GATD1: variants seen among roughly 807,000 people sequenced by gnomAD.
GATD1 encodes glutamine amidotransferase-like class 1 domain-containing protein 1.
In GATD1, 23 loss-of-function variants were observed where a neutral mutation model predicts 25.9. The ratio of observed to expected loss-of-function variants is 0.89; its 90% CI spans 0.64 to 1.26. The LOEUF is 1.26. Among genes scored for constraint, GATD1 ranks in the 50% most tolerant of loss-of-function variants. The pLI, the probability that GATD1 is intolerant of heterozygous loss-of-function variation, is 0.00. For missense variants in GATD1, 347 were observed against 312.5 expected, an observed-to-expected ratio of 1.11 and a Z score of -0.83; for synonymous variants, 177 against 134.6, an observed-to-expected ratio of 1.31 and a Z score of -2.18.
Position 771,468 on chromosome 11 carries a change from C to T in GATD1, c.451-42G>A, listed in dbSNP as rs1425687116. On this transcript the variant is annotated intron_variant, in intron 5 of 7. Coordinates refer to ENST00000319863, the MANE Select transcript of GATD1 (RefSeq NM_182612.4). ...GGGGCTCCTGAGACAGGCCCAGGCC[C>T]TGCGGCCCACCCCAGGGGTCAGGAA... 4 of 1,494,864 alleles carry T rather than the reference C, an allele frequency of 2.7e-6. No homozygotes were observed. The African/African-American group carries it at 4.2e-5, about 16-fold the overall frequency. The allele number at this position is 1,494,864 out of a possible 1,614,324, so 92.6% of individuals were successfully genotyped here. A position where few individuals can be genotyped will look rare whatever the true frequency, so the allele number is the denominator to read the frequency against.
intron 7 of GATD1, 43 bp downstream of exon 7, chr11:770,950 C>A: frequency 6.2e-7 from 1 of 1,613,444 alleles, no homozygotes; most frequent in South Asian, 1.1e-5. Flanking sequence ...GCACCGGGTG[C>A]AGCTCTGATG....
In GATD1 at chr11:771,102, T is replaced by C. The variant is rs541560314; in HGVS notation, c.547A>G (p.Ser183Gly). The C allele has an allele frequency of 1.9e-6, 3 of 1,595,722 alleles. No homozygotes were observed. Among genetic ancestry groups the C allele is most frequent in the South Asian group, 2.2e-5 (2 of 89,312 alleles). Residue 183 changes from serine to glycine, a missense_variant and splice_region_variant, in exon 7 of 8, where the codon AGC becomes GGC. Coordinates refer to ENST00000319863, the MANE Select transcript of GATD1 (RefSeq NM_182612.4). ...VKDSGACFSA[S>G]EPDAVHVVLD... ...ACGACGTGGACAGCGTCAGGCTCGC[T>C]TGCTGGGGAGGACCGAGGGCACCAA...
intron 1 of GATD1, among the ~76,000 whole-genome samples, chr11:775,870 T>A (rs1462460466): frequency 6.6e-6 from 1 of 151,866 alleles, no homozygotes; most frequent in Non-Finnish European, 1.5e-5. Context: ...CCACCCTGCC[T>A]GCCGGAGAGC....
Position 770,631 on chromosome 11 carries a change from A to G in GATD1, c.*266T>C. ...CTGGAATTCCCGAGGACCACCTAGC[A>G]GCTAGCACAGCTCTCCAGGCACGTG... On this transcript the variant is annotated 3_prime_UTR_variant, in exon 8 of 8. Coordinates refer to ENST00000319863, the MANE Select transcript of GATD1 (RefSeq NM_182612.4). 3.5e-6 allele frequency: 5 copies of G among 1,418,704 alleles called. No individual in the cohort carries two copies. Among genetic ancestry groups the G allele is most frequent in the Non-Finnish European group, 4.6e-6 (5 of 1,090,298 alleles). The allele number at this position is 1,418,704 out of a possible 1,614,324, so 87.9% of individuals were successfully genotyped here.
intron 2 of GATD1, among the ~76,000 whole-genome samples, chr11:774,671 A>G (rs981071389): frequency 1.3e-5 from 2 of 152,170 alleles, no homozygotes; most frequent in Non-Finnish European, 2.9e-5. Flanking sequence ...TCTCTACTAA[A>G]AATACAAAAT....
In GATD1 at chr11:773,620, T is replaced by C. The variant is rs1863670382; in HGVS notation, c.257A>G (p.Tyr86Cys). Residue 86 changes from tyrosine to cysteine, a missense_variant, in exon 4 of 8, where the codon TAC becomes TGC. Coordinates refer to ENST00000319863, the MANE Select transcript of GATD1 (RefSeq NM_182612.4). Reference sequence around the variant, plus strand: ...ACAGCTGGGGATCAGGAGGGCATGGTACCGGGCACCTGGGGGGAGACCACA... The same window carrying C: ...ACAGCTGGGGATCAGGAGGGCATGGCACCGGGCACCTGGGGGGAGACCACA... ...AKLESIDGAR[Y>C]HALLIPSCPG... The C allele has an allele frequency of 1.2e-6, 2 of 1,607,254 alleles. No individual in the cohort carries two copies. The highest frequency in any genetic ancestry group is 1.7e-6 in the Non-Finnish European group (2 of 1,178,126).
In GATD1 at chr11:768,150, C is replaced by A. The variant is rs1863162646; in HGVS notation, c.*2747G>T. ...ACAGGCGTGAGCCACCGTGCCCGGC[C>A]AGTTTACAGTATTTTCTTATAGGAG... On this transcript the variant is annotated 3_prime_UTR_variant, in exon 8 of 8. Coordinates refer to ENST00000319863, the MANE Select transcript of GATD1 (RefSeq NM_182612.4). 1 of 152,092 alleles carries A rather than the reference C, an allele frequency of 6.6e-6. No homozygotes were observed. Among genetic ancestry groups the A allele is most frequent in the Non-Finnish European group, 1.5e-5 (1 of 68,066 alleles). The allele number at this position is 152,092 out of a possible 1,614,324, so 9.4% of individuals were successfully genotyped here. A position where few individuals can be genotyped will look rare whatever the true frequency, so the allele number is the denominator to read the frequency against.
Position 770,074 on chromosome 11 carries a change from T to A in GATD1, c.*823A>T. On this transcript the variant is annotated 3_prime_UTR_variant, in exon 8 of 8. Transcript: ENST00000319863. Reference sequence around the variant, plus strand: ...GGGAACTGTGAGGAAGTAGAGGGCCTAAGCCTCTCCTGGACGCCCTAACCT... The same window carrying A: ...GGGAACTGTGAGGAAGTAGAGGGCCAAAGCCTCTCCTGGACGCCCTAACCT... 12 of 1,191,546 alleles carry A rather than the reference T, an allele frequency of 1.0e-5. No individual in the cohort carries two copies. Among genetic ancestry groups the A allele is most frequent in the Non-Finnish European group, 1.2e-5 (12 of 962,620 alleles). 73.8% of individuals were successfully genotyped at this position (1,191,546 alleles called of 1,614,324 possible).
rs575861969 is a variant in GATD1, at chr11:771,368, T to A, written c.509A>T (p.Glu170Val). 6.3e-6 allele frequency: 10 copies of A among 1,591,108 alleles called. No individual in the cohort carries two copies. Among genetic ancestry groups the A allele is most frequent in the East Asian group, 2.2e-5 (1 of 44,634 alleles). ...GGCGCCCGAATCCTTCACGAAGTCC[T>A]CCACCACGAGCGGCAGGCGGGCGAA... ...PGFARLPLVV[E>V]DFVKDSGACF... The change falls in exon 6 of 8, where the codon GAG (glutamate) becomes GTG (valine). Residue 170 changes from glutamate to valine, a missense_variant. Coordinates refer to ENST00000319863, the MANE Select transcript of GATD1 (RefSeq NM_182612.4).
Position 769,228 on chromosome 11 carries a change from G to A in GATD1, c.*1669C>T. On this transcript the variant is annotated 3_prime_UTR_variant, in exon 8 of 8. Coordinates refer to ENST00000319863, the MANE Select transcript of GATD1 (RefSeq NM_182612.4). ...GTGGGCATCCTGACTAATCTGCGAG[G>A]CACTGGAGGGACGCAGCCTTCAGGG... 1.0e-6 allele frequency: 1 copy of A among 985,498 alleles called. No individual in the cohort carries two copies. The allele number at this position is 985,498 out of a possible 1,614,324, so 61.0% of individuals were successfully genotyped here. A position where few individuals can be genotyped will look rare whatever the true frequency, so the allele number is the denominator to read the frequency against.
intron 1 of GATD1, 101 bp downstream of exon 1, chr11:777,298 C>G: frequency 1.0e-6 from 1 of 994,570 alleles, no homozygotes; most frequent in Non-Finnish European, 1.3e-6. Context: ...CCTCGGCCTC[C>G]GGCGCCACGT....
rs1320158770 is a variant in GATD1 at position 770,728 on chromosome 11, AC to A, written c.*168del. ...GTTTGGACCCTCCAGGAGAGCCGAC[AC>A]CCCCTCAGAGCTGATTCCAGGAGGC... On this transcript the variant is annotated 3_prime_UTR_variant, in exon 8 of 8. Coordinates refer to ENST00000319863, the MANE Select transcript of GATD1 (RefSeq NM_182612.4). The A allele has an allele frequency of 6.8e-7, 1 of 1,476,242 alleles. No individual in the cohort carries two copies. The highest frequency in any genetic ancestry group is 1.4e-5 in the African/African-American group (1 of 70,956). 91.4% of individuals were successfully genotyped at this position (1,476,242 alleles called of 1,614,324 possible). A position where few individuals can be genotyped will look rare whatever the true frequency, so the allele number is the denominator to read the frequency against.
Position 769,083 on chromosome 11 carries a change from G to A in GATD1, c.*1814C>T, listed in dbSNP as rs983830438. 46 of 956,148 alleles carry A rather than the reference G, an allele frequency of 4.8e-5. No homozygotes were observed. Among genetic ancestry groups the A allele is most frequent in the South Asian group, 9.7e-5 (2 of 20,654 alleles). 59.2% of individuals were successfully genotyped at this position (956,148 alleles called of 1,614,324 possible). ...GCCACTGCACTCCAGCCTGGGTGACGAGAGACAAACTCCATCTCAAAAAAT... is the reference window on the plus strand; with the variant it reads ...GCCACTGCACTCCAGCCTGGGTGACAAGAGACAAACTCCATCTCAAAAAAT... On this transcript the variant is annotated 3_prime_UTR_variant, in exon 8 of 8. Coordinates refer to ENST00000319863, the MANE Select transcript of GATD1 (RefSeq NM_182612.4).
Position 770,685 on chromosome 11 carries a change from A to T in GATD1, c.*212T>A. ...TCTTTTCTCTGCCTCCTACCAGAGA[A>T]CATGCAGGAGGATGGGGGTTTGGAC... On this transcript the variant is annotated 3_prime_UTR_variant, in exon 8 of 8. Coordinates refer to ENST00000319863, the MANE Select transcript of GATD1 (RefSeq NM_182612.4). 1 of 1,425,872 alleles carries T rather than the reference A, an allele frequency of 7.0e-7. No homozygotes were observed. Among genetic ancestry groups the T allele is most frequent in the Non-Finnish European group, 9.1e-7 (1 of 1,093,774 alleles). 88.3% of individuals were successfully genotyped at this position (1,425,872 alleles called of 1,614,324 possible).
Position 775,976 on chromosome 11 carries a change from C to CTTTTTTTTTTTTTTTTTTTTTTT in GATD1, c.65-857_65-835dup, listed in dbSNP as rs71022972. Among the ~76,000 whole-genome samples, 7 of 72,278 alleles carry CTTTTTTTTTTTTTTTTTTTTTTT rather than the reference C, an allele frequency of 9.7e-5. 1 individual carries two copies. Among genetic ancestry groups the CTTTTTTTTTTTTTTTTTTTTTTT allele is most frequent in the Admixed American group, 2.3e-4 (1 of 4,408 alleles). The allele number at this position is 72,278 out of a possible 152,430, so 47.4% of individuals were successfully genotyped here. A position where few individuals can be genotyped will look rare whatever the true frequency, so the allele number is the denominator to read the frequency against. On this transcript the variant is annotated intron_variant, in intron 1 of 7. Coordinates refer to ENST00000319863, the MANE Select transcript of GATD1 (RefSeq NM_182612.4). Reference sequence around the variant, plus strand: ...CCTCAGCTTCATTTTTATCTTCATTCTTTTTTTTTTTTTTTTTTTTTTTTT... The same window carrying CTTTTTTTTTTTTTTTTTTTTTTT: ...CCTCAGCTTCATTTTTATCTTCATTCTTTTTTTTTTTTTTTTTTTTTTTTTTTTTTTTTTTTTTTTTTTTTTTT...
chr11:773,021 T>C (rs543605822), intron 4 of GATD1, among the ~76,000 whole-genome samples: 38 of 152,296 alleles, frequency 2.5e-4, no homozygotes, highest in African/African-American at 8.9e-4. Context: ...CCACAAACAA[T>C]TGCTGCCTGT....
In GATD1 at chr11:770,852, T is replaced by C. The variant is rs1863363934; in HGVS notation, c.*45A>G. On this transcript the variant is annotated 3_prime_UTR_variant, in exon 8 of 8. Coordinates refer to ENST00000319863, the MANE Select transcript of GATD1 (RefSeq NM_182612.4). Reference sequence around the variant, plus strand: ...CTGAAGCCTGAGACGGGGCTGCCTCTGGAGACACCTGGGCTGTCTCAGGGG... The same window carrying C: ...CTGAAGCCTGAGACGGGGCTGCCTCCGGAGACACCTGGGCTGTCTCAGGGG... 2.5e-6 allele frequency: 4 copies of C among 1,572,112 alleles called. No individual in the cohort carries two copies. The highest frequency in any genetic ancestry group is 3.5e-6 in the Non-Finnish European group (4 of 1,155,776).
rs562286582 is a variant in GATD1, at chr11:767,585, A to G, written c.*3312T>C. Reference sequence around the variant, plus strand: ...AGATCTGGCTGACCAGAGGGGCTCAATGAGGCTCACTGGCTCTTCATGCAC... The same window carrying G: ...AGATCTGGCTGACCAGAGGGGCTCAGTGAGGCTCACTGGCTCTTCATGCAC... On this transcript the variant is annotated 3_prime_UTR_variant, in exon 8 of 8. Transcript: ENST00000319863. The G allele has an allele frequency of 2.6e-5, 37 of 1,402,974 alleles. No homozygotes were observed. Among genetic ancestry groups the G allele is most frequent in the East Asian group, 1.6e-4 (6 of 38,088 alleles). 86.9% of individuals were successfully genotyped at this position (1,402,974 alleles called of 1,614,324 possible).
intron 3 of GATD1, 27 bp downstream of exon 3, chr11:773,980 AC>A (rs766468171): frequency 2.5e-6 from 4 of 1,603,962 alleles, no homozygotes; most frequent in Non-Finnish European, 3.4e-6. Flanking sequence ...CAGGCACCCC[AC>A]CCCCAAGGAG....
Sources: allele counts gnomAD v4.1 joint callset (sites outside exome capture counted in the v4.1 genomes callset), GRCh38; gene constraint gnomAD v4.1.1; transcripts MANE v1.5; gene names NCBI Gene and HGNC (gene_info 2026-07-23, HGNC 2026-07-21).